The following ASTN1 variants were observed in gnomAD, a reference collection of about 807,000 sequenced individuals.
ASTN1 encodes astrotactin-1.
In ASTN1, 41 loss-of-function variants were observed where a neutral mutation model predicts 140.7. That is an observed-to-expected ratio of 0.29 (90% CI 0.23 to 0.38). The LOEUF (loss-of-function observed/expected upper bound fraction) is 0.38, where lower values mean the gene tolerates loss of function less well. Among genes scored for constraint, ASTN1 ranks in the 10% least tolerant of loss-of-function variants. ASTN1 has a pLI of 1.00. For synonymous variants in ASTN1, 640 were observed against 652.2 expected, an observed-to-expected ratio of 0.98 and a Z score of 0.29; for missense variants, 1,479 against 1,678.8, an observed-to-expected ratio of 0.88 and a Z score of 2.08.
chr1:176,857,382 A>G (rs971994479), downstream of ASTN1: 9 of 396,346 alleles, frequency 2.3e-5, no homozygotes, highest in Admixed American at 4.0e-4. Context: ...ATTTTAGGTA[A>G]TTCCACAGAG....
chr1:177,137,068 C>T (rs1317778701), intron 1 of ASTN1, among the ~76,000 whole-genome samples: 2 of 152,100 alleles, frequency 1.3e-5, no homozygotes, highest in Non-Finnish European at 2.9e-5. Flanking sequence ...AAAATCATCC[C>T]TGGCAGAGAA....
chr1:177,024,049 G>A (rs975477305), intron 6 of ASTN1, among the ~76,000 whole-genome samples: 1 of 152,176 alleles, frequency 6.6e-6, no homozygotes, highest in Non-Finnish European at 1.5e-5. Flanking sequence ...AAGTCAATTA[G>A]GTGCTCTGGG....
chr1:177,134,662 G>A (rs942755598), intron 1 of ASTN1, among the ~76,000 whole-genome samples: 2 of 152,152 alleles, frequency 1.3e-5, no homozygotes, highest in African/African-American at 4.8e-5. Context: ...GAAAAACAAT[G>A]CATCTTTATT....
rs184111829 is a variant in ASTN1, at chr1:176,924,391, C to T, written c.2671+9761G>A. On this transcript the variant is annotated intron_variant, in intron 16 of 22. Coordinates refer to ENST00000361833, the MANE Select transcript of ASTN1 (RefSeq NM_004319.3). The stretch of plus-strand genomic sequence containing the variant: ...CTTTCAAGTCTCAGCTCAAAATCAC[C>T]GTCACTGAGGCCTTCTCTGTGCTGG... Among the ~76,000 whole-genome samples, 126 of 152,288 alleles carry T rather than the reference C, an allele frequency of 8.3e-4. 2 individuals are homozygous for T. The highest frequency in any genetic ancestry group is 1.3e-3 in the Non-Finnish European group (90 of 68,026).
chr1:176,991,482 G>A (rs1033381615), intron 8 of ASTN1, among the ~76,000 whole-genome samples: 19 of 129,618 alleles, frequency 1.5e-4, no homozygotes, highest in African/African-American at 4.1e-4. Context: ...AAAAAGAAAC[G>A]CTATAGAGCC....
rs540999714 is a variant in ASTN1, at chr1:177,023,286, C to T, written c.1438+118G>A. On this transcript the variant is annotated intron_variant, in intron 7 of 22. Transcript: ENST00000361833. ...ACCACATGCAGGCAGTCCGCATGGT[C>T]TAGGCTCGAGATGGCAGTGGGACGG... is the stretch of plus-strand genomic sequence containing the variant. The T allele has an allele frequency of 7.9e-4, 1,050 of 1,336,060 alleles. 13 individuals are homozygous for T. The South Asian group carries it at 8.4e-3, about 11-fold the overall frequency. 82.8% of individuals were successfully genotyped at this position (1,336,060 alleles called of 1,614,324 possible). A position where few individuals can be genotyped will look rare whatever the true frequency, so the allele number is the denominator to read the frequency against.
At position 176,993,014 on chromosome 1, in the gene ASTN1, GC is replaced by G. The variant is rs965728222; in HGVS notation, c.1523+21776del. 3.1e-4 allele frequency among the ~76,000 whole-genome samples: 47 copies of G among 152,314 alleles called. 1 individual carries two copies. The highest frequency in any genetic ancestry group is 1.0e-3 in the African/African-American group (42 of 41,580). On this transcript the variant is annotated intron_variant, in intron 8 of 22. Transcript: ENST00000361833. ...GAGAAGAGGAATAGACAACGCCAGA[GC>G]TCCCTCTCTGCCATGTAGGAACCTG...
intron 1 of ASTN1, among the ~76,000 whole-genome samples, chr1:177,117,716 C>T (rs950194609): frequency 5.9e-5 from 9 of 152,126 alleles, no homozygotes; most frequent in Non-Finnish European, 8.8e-5. Flanking sequence ...CTCCCTGGAC[C>T]ACTCACCATT....
In ASTN1 at chr1:176,862,495, C is replaced by A. The variant is rs1458681949; in HGVS notation, c.*1789G>T. 34 of 985,292 alleles carry A rather than the reference C, an allele frequency of 3.5e-5. No individual in the cohort carries two copies. The highest frequency in any genetic ancestry group is 6.1e-5 in the Admixed American group (1 of 16,266). 61.0% of individuals were successfully genotyped at this position (985,292 alleles called of 1,614,324 possible). ...CCACAGATGCTTGGGAAAGGTAAAG[C>A]TCTCTGGGCAGGTTCCCTGTGGGGC... On this transcript the variant is annotated 3_prime_UTR_variant, in exon 23 of 23. Transcript: ENST00000361833.
At chr1:176,993,458 A>G (rs1233453340) in intron 8 of ASTN1, among the ~76,000 whole-genome samples, 1 of 152,216 alleles carries the variant, frequency 6.6e-6, no homozygotes, top group Admixed American at 6.5e-5. Flanking sequence ...TTTCTGGAAT[A>G]GGAGTTAGAG....
intron 2 of ASTN1, among the ~76,000 whole-genome samples, chr1:177,033,739 G>GT (rs1676571879): frequency 1.3e-5 from 2 of 152,134 alleles, no homozygotes; most frequent in South Asian, 4.2e-4. Flanking sequence ...TTACCTTCTG[G>GT]TGCTCAAAGG....
At chr1:176,958,508 G>A (rs1672516005) in intron 9 of ASTN1, 26 bp from the exon 10 acceptor site, 1 of 1,592,316 alleles carries the variant, frequency 6.3e-7, no homozygotes, top group African/African-American at 1.3e-5. Flanking sequence ...GTGCCAGGTG[G>A]TCATGACTGG....
chr1:176,927,580 A>G (rs539173523), intron 16 of ASTN1, among the ~76,000 whole-genome samples: 11 of 152,328 alleles, frequency 7.2e-5, no homozygotes, highest in African/African-American at 1.4e-4. Flanking sequence ...ATACAGATCT[A>G]TATCTTTTTA....
intron 1 of ASTN1, among the ~76,000 whole-genome samples, chr1:177,119,064 A>T (rs1681246816): frequency 6.6e-6 from 1 of 152,166 alleles, no homozygotes; most frequent in Non-Finnish European, 1.5e-5. Flanking sequence ...AAGCCTTCCC[A>T]ATTCCCTGCC....
intron 6 of ASTN1, among the ~76,000 whole-genome samples, chr1:177,023,933 C>T (rs138179216): frequency 5.2e-4 from 79 of 152,290 alleles, no homozygotes; most frequent in African/African-American, 1.8e-3. Context: ...AGAACAGGGG[C>T]TGCTGCCTGT....
downstream of ASTN1, chr1:176,857,584 G>A (rs748678396): frequency 3.4e-6 from 2 of 589,338 alleles, no homozygotes; most frequent in Non-Finnish European, 6.2e-6. Context: ...GAAATACCCT[G>A]GCTGCCGTCT....
At chr1:177,009,753 C>T (rs1433460791) in intron 8 of ASTN1, among the ~76,000 whole-genome samples, 1 of 152,180 alleles carries the variant, frequency 6.6e-6, no homozygotes, top group African/African-American at 2.4e-5. Flanking sequence ...ATGGGCAGGA[C>T]CATTCCTGAC....
rs534447421 is a variant in ASTN1, at chr1:176,962,436, T to C, written c.1598+2727A>G. 1.4e-3 allele frequency among the ~76,000 whole-genome samples: 208 copies of C among 152,358 alleles called. 5 individuals carry two copies. The highest frequency in any genetic ancestry group is 9.3e-3 in the South Asian group (45 of 4,824). ...TGAAATGATTATCTACATATATCTA[T>C]TGAAGGCCTGCTGTGTTCAAAATTG... On this transcript the variant is annotated intron_variant, in intron 9 of 22. Transcript: ENST00000361833.
chr1:176,871,736 T>G (rs1281593901), intron 21 of ASTN1, among the ~76,000 whole-genome samples: 1 of 152,240 alleles, frequency 6.6e-6, no homozygotes, highest in Admixed American at 6.5e-5. Context: ...GAGAATTTAT[T>G]TTGTTAGTCT....
Sources: gnomAD v4.1 joint callset for allele counts (sites outside exome capture counted in the v4.1 genomes callset) on GRCh38, gnomAD v4.1.1 for gene constraint, MANE v1.5 for transcripts, NCBI Gene and HGNC (gene_info 2026-07-23, HGNC 2026-07-21) for gene names.